TARBP1: variants seen among roughly 807,000 people sequenced by gnomAD.
The protein encoded by TARBP1 is tRNA guanosine 2 -O-methyltransferase TARBP1, also known as tRNA (guanosine(18)-2'-O)-methyltransferase TARBP1.
In TARBP1, 144 loss-of-function variants were observed where a neutral mutation model predicts 178.6. That is an observed-to-expected ratio of 0.81 (90% CI 0.70 to 0.93). The LOEUF (loss-of-function observed/expected upper bound fraction) is 0.93, where lower values mean the gene tolerates loss of function less well. TARBP1 is among the 40% of genes least tolerant of loss of function. TARBP1 has a pLI of 0.00. For synonymous variants in TARBP1, 787 were observed against 781.0 expected (o/e 1.01, Z -0.13); for missense variants, 2,067 against 2,011.7 (o/e 1.03, Z -0.53).
In TARBP1 at chr1:234,457,890, T is replaced by G. The variant is rs1160546001; in HGVS notation, c.1633-134A>C. ...ATTAGCTAAATCAAAAGAAAGCAAA[T>G]ATCATTAGCTAAATCAAAAGAAAGC... On this transcript the variant is annotated intron_variant, in intron 8 of 29. Transcript: ENST00000040877. The G allele has an allele frequency of 9.3e-6, 5 of 539,350 alleles. No homozygotes were observed. The South Asian group carries it at 1.1e-4, about 12-fold the overall frequency. The allele number at this position is 539,350 out of a possible 1,614,324, so 33.4% of individuals were successfully genotyped here.
chr1:234,397,068 C>A (rs1473636248), intron 26 of TARBP1, among the ~76,000 whole-genome samples: 2 of 149,614 alleles, frequency 1.3e-5, no homozygotes, highest in East Asian at 4.0e-4. Context: ...TGGTAATCGG[C>A]TGGGGAGAGT....
intron 13 of TARBP1, 110 bp from the exon 14 acceptor site, chr1:234,433,681 G>T: frequency 9.6e-7 from 1 of 1,040,130 alleles, no homozygotes; most frequent in Non-Finnish European, 1.4e-6. Flanking sequence ...ACAAGACACT[G>T]ATGAGAAAAT....
chr1:234,469,323 T>C (rs1668816699), intron 3 of TARBP1, among the ~76,000 whole-genome samples: 1 of 152,150 alleles, frequency 6.6e-6, no homozygotes. Flanking sequence ...TTATTTGTAA[T>C]TTACACCAAG....
chr1:234,418,170 T>C lies in TARBP1; in HGVS notation c.3619A>G (p.Ile1207Val), dbSNP rs767217500. 9 of 1,551,850 alleles carry C rather than the reference T, an allele frequency of 5.8e-6. No homozygotes were observed. Among genetic ancestry groups the C allele is most frequent in the South Asian group, 1.3e-5 (1 of 78,042 alleles). Residue 1207 changes from isoleucine to valine, a missense_variant, in exon 22 of 30, where the codon ATA becomes GTA. By Grantham distance (29) the Ile-to-Val change is conservative. Transcript: ENST00000040877. ...ATAATCCATTCTATAAAATATTTTATGGATGCTTGATTGTTGGTGAAACCA... is the reference window on the plus strand; with the variant it reads ...ATAATCCATTCTATAAAATATTTTACGGATGCTTGATTGTTGGTGAAACCA... The part of the protein sequence containing the change: ...QAGFTNNQAS[I>V]KYFIEWIIIL...
At chr1:234,445,002 A>C (rs1437735133) in intron 12 of TARBP1, among the ~76,000 whole-genome samples, 2 of 152,158 alleles carry the variant, frequency 1.3e-5, no homozygotes, top group African/African-American at 4.8e-5. Flanking sequence ...GCTGCTCTAC[A>C]TAAAAAACTT....
intron 21 of TARBP1, among the ~76,000 whole-genome samples, chr1:234,420,064 A>G (rs1483922204): frequency 1.3e-5 from 2 of 152,242 alleles, no homozygotes; most frequent in African/African-American, 4.8e-5. Context: ...GTTATATACC[A>G]TCACTTTCTC....
At chr1:234,474,276 ACACAC>A (rs377167957) in intron 1 of TARBP1, among the ~76,000 whole-genome samples, 36,042 of 145,858 alleles carry the variant, frequency 0.25, 4,582 homozygotes, top group Middle Eastern at 0.34. Flanking sequence ...ACACACACAC[ACACAC>A]ACACACAAAG....
At chr1:234,450,296 C>T in intron 10 of TARBP1, 132 bp downstream of exon 10, 1 of 616,906 alleles carries the variant, frequency 1.6e-6, no homozygotes, top group Non-Finnish European at 2.6e-6. Flanking sequence ...CATTATTTTA[C>T]TGAAATACAA....
intron 14 of TARBP1, among the ~76,000 whole-genome samples, chr1:234,431,498 A>C (rs930206624): frequency 6.6e-6 from 1 of 152,228 alleles, no homozygotes; most frequent in African/African-American, 2.4e-5. Context: ...TCCTAGAATT[A>C]AATTATTAAA....
chr1:234,459,201 T>C (rs12402937), intron 8 of TARBP1, 29 bp downstream of exon 8: 162,924 of 1,572,078 alleles, frequency 0.1, 11,477 homozygotes, highest in East Asian at 0.3. Context: ...GAAAGACTTG[T>C]AAATGGAAGT....
chr1:234,423,428 G>A (rs183195777), intron 20 of TARBP1, among the ~76,000 whole-genome samples: 1 of 151,904 alleles, frequency 6.6e-6, no homozygotes, highest in East Asian at 1.9e-4. Flanking sequence ...TCCCCTCCAG[G>A]AACGACCCCT....
In TARBP1 at chr1:234,406,058, C is replaced by A; in HGVS notation, c.3834G>T (p.Trp1278Cys). The A allele has an allele frequency of 6.2e-7, 1 of 1,614,162 alleles. No homozygotes were observed. The highest frequency in any genetic ancestry group is 8.5e-7 in the Non-Finnish European group (1 of 1,180,028). The change falls in exon 24 of 30, where the codon TGG (tryptophan) becomes TGT (cysteine). Residue 1278 changes from tryptophan to cysteine, a missense_variant. Coordinates refer to ENST00000040877, the MANE Select transcript of TARBP1 (RefSeq NM_005646.4). ...LKQALIVVLQ[W>C]CFNHNFSVRL... ...GAACACTAAAATTGTGATTGAAACA[C>A]CACTGCAGCACAACTATAAGGGCTT...
At chr1:234,415,885 T>C (rs1339734257) in intron 22 of TARBP1, among the ~76,000 whole-genome samples, 5 of 152,262 alleles carry the variant, frequency 3.3e-5, no homozygotes, top group South Asian at 2.1e-4. Flanking sequence ...CCCGGTGTTC[T>C]GTAAGCTACC....
intron 1 of TARBP1, among the ~76,000 whole-genome samples, chr1:234,474,646 G>C (rs1438689493): frequency 6.6e-6 from 1 of 152,214 alleles, no homozygotes; most frequent in Non-Finnish European, 1.5e-5. Context: ...AGCAATACTG[G>C]AAGCTCTAGC....
At chr1:234,402,128 T>C (rs1660732161) in intron 24 of TARBP1, among the ~76,000 whole-genome samples, 1 of 152,206 alleles carries the variant, frequency 6.6e-6, no homozygotes, top group Non-Finnish European at 1.5e-5. Flanking sequence ...TATTAAAGTG[T>C]CCATCAGTAA....
intron 9 of TARBP1, among the ~76,000 whole-genome samples, chr1:234,454,071 C>G (rs994012780): frequency 2.6e-5 from 4 of 152,164 alleles, no homozygotes; most frequent in Non-Finnish European, 4.4e-5. Flanking sequence ...ATGTCTCACT[C>G]CTTAAACCAG....
At chr1:234,463,777 TAA>T (rs952898603) in intron 6 of TARBP1, 58 bp downstream of exon 6, 18 of 860,666 alleles carry the variant, frequency 2.1e-5, no homozygotes, top group South Asian at 1.4e-4. Flanking sequence ...ACCAATTTGC[TAA>T]AAAAAAAAGA....
rs1403639424 is a variant in TARBP1 at position 234,450,590 on chromosome 1, T to A, written c.1723-24A>T. 1.9e-6 allele frequency: 3 copies of A among 1,599,624 alleles called. No individual in the cohort carries two copies. In the South Asian group the frequency reaches 3.4e-5, roughly 18 times the overall value. On this transcript the variant is annotated intron_variant, in intron 9 of 29. Coordinates refer to ENST00000040877, the MANE Select transcript of TARBP1 (RefSeq NM_005646.4). ...AGCTGGAAAAGAAAACAGTTATTACTTTATTTTAAAAACCTAACCAAACAA... is the reference window on the plus strand; with the variant it reads ...AGCTGGAAAAGAAAACAGTTATTACATTATTTTAAAAACCTAACCAAACAA...
chr1:234,476,464 G>C (rs959400501), intron 1 of TARBP1, among the ~76,000 whole-genome samples: 1 of 152,170 alleles, frequency 6.6e-6, no homozygotes, highest in African/African-American at 2.4e-5. Context: ...TGCGACATCT[G>C]GGCATGTAAG....
Sources: gnomAD v4.1 joint callset for allele counts (sites outside exome capture counted in the v4.1 genomes callset) on GRCh38, gnomAD v4.1.1 for gene constraint, MANE v1.5 for transcripts, NCBI Gene and HGNC (gene_info 2026-07-23, HGNC 2026-07-21) for gene names.